Variants in SAMD4A observed in about 807,000 individuals in gnomAD.
SAMD4A encodes protein Smaug homolog 1.
SAMD4A carries 33 observed loss-of-function variants against 81.3 expected under a neutral mutation model. The ratio of observed to expected loss-of-function variants is 0.41; its 90% CI spans 0.31 to 0.54. The LOEUF is 0.54. Ranked by LOEUF, SAMD4A falls within the 20% of genes least tolerant of loss-of-function variation. The pLI is 0.37. For missense variants in SAMD4A, 854 were observed against 951.1 expected (o/e 0.90, Z 1.34); for synonymous variants, 389 against 382.1 (o/e 1.02, Z -0.21).
intron 2 of SAMD4A, among the ~76,000 whole-genome samples, chr14:54,612,199 CAAAG>C (rs2034374777): frequency 6.6e-6 from 1 of 151,896 alleles, no homozygotes. Context: ...AGTTTTTTTT[CAAAG>C]AAAAGCCTTT....
chr14:54,677,852 A>C (rs1345774579), intron 2 of SAMD4A, among the ~76,000 whole-genome samples: 1 of 152,122 alleles, frequency 6.6e-6, no homozygotes, highest in Non-Finnish European at 1.5e-5. Context: ...TTTTCTATTG[A>C]ATTAGTCTTT....
At chr14:54,619,129 T>C (rs925807709) in intron 2 of SAMD4A, among the ~76,000 whole-genome samples, 3 of 152,192 alleles carry the variant, frequency 2.0e-5, no homozygotes, top group Non-Finnish European at 1.5e-5. Context: ...GAATGAACTG[T>C]AAGTGGGAAA....
At chr14:54,610,660 C>T (rs888229044) in intron 2 of SAMD4A, among the ~76,000 whole-genome samples, 11 of 152,288 alleles carry the variant, frequency 7.2e-5, no homozygotes, top group Admixed American at 3.3e-4. Context: ...GATAAAGTCT[C>T]GCTACTATAA....
rs1334656210 is a variant in SAMD4A at position 54,731,494 on chromosome 14, G to T, written c.716-5530G>T. The stretch of plus-strand genomic sequence containing the variant: ...GACCTCTTAATTCAAGAAGAATATT[G>T]TAAGATATTTTAAAATAATGTGCAA... On this transcript the variant is annotated intron_variant, in intron 3 of 12. Transcript: ENST00000554335. Among the ~76,000 whole-genome samples, 6 of 152,298 alleles carry T rather than the reference G, an allele frequency of 3.9e-5. No individual in the cohort carries two copies. The South Asian group carries it at 1.0e-3, about 26-fold the overall frequency.
intron 10 of SAMD4A, 70 bp from the exon 11 acceptor site, chr14:54,776,344 T>C: frequency 6.6e-7 from 1 of 1,506,208 alleles, no homozygotes; most frequent in East Asian, 2.6e-5. Flanking sequence ...TCCCAAATTC[T>C]TGCTGGCGGC....
chr14:54,757,472 C>G (rs2038277558), intron 6 of SAMD4A, among the ~76,000 whole-genome samples: 1 of 149,582 alleles, frequency 6.7e-6, no homozygotes, highest in Non-Finnish European at 1.5e-5. Flanking sequence ...ATAGAAGAAT[C>G]AGATAAGATT....
At chr14:54,656,579 G>T (rs1350949170) in intron 2 of SAMD4A, among the ~76,000 whole-genome samples, 1 of 152,150 alleles carries the variant, frequency 6.6e-6, no homozygotes, top group Non-Finnish European at 1.5e-5. Flanking sequence ...AAAATAATAA[G>T]CTGCACAAAT....
intron 2 of SAMD4A, chr14:54,694,585 T>G: frequency 1.0e-6 from 1 of 983,516 alleles, no homozygotes; most frequent in Non-Finnish European, 1.2e-6. Flanking sequence ...GGGAGAAACC[T>G]GGGCTGGAAA....
At chr14:54,778,945 C>T (rs752825701) in intron 11 of SAMD4A, among the ~76,000 whole-genome samples, 16 of 152,204 alleles carry the variant, frequency 1.1e-4, no homozygotes, top group Non-Finnish European at 1.0e-4. Context: ...TCAGCCCTTG[C>T]CAATCATTGT....
At chr14:54,768,677 C>G (rs1051768008) in intron 8 of SAMD4A, among the ~76,000 whole-genome samples, 2 of 152,244 alleles carry the variant, frequency 1.3e-5, no homozygotes, top group African/African-American at 4.8e-5. Flanking sequence ...GCTGGACATG[C>G]AGGGAGCATC....
At chr14:54,754,756 A>T in intron 6 of SAMD4A, 1 of 855,774 alleles carries the variant, frequency 1.2e-6, no homozygotes, top group Non-Finnish European at 1.4e-6. Flanking sequence ...TTCTAAGGAG[A>T]TAGCTGGGGC....
chr14:54,782,143 G>A (rs1258774567), intron 11 of SAMD4A, among the ~76,000 whole-genome samples: 2 of 152,160 alleles, frequency 1.3e-5, no homozygotes, highest in South Asian at 2.1e-4. Context: ...TTTGGAACAC[G>A]CAATCCCAGG....
intron 4 of SAMD4A, among the ~76,000 whole-genome samples, chr14:54,738,453 C>T (rs1391061230): frequency 6.6e-6 from 1 of 152,220 alleles, no homozygotes; most frequent in East Asian, 1.9e-4. Flanking sequence ...CTCTCCATCC[C>T]ACCCCCATTT....
intron 4 of SAMD4A, among the ~76,000 whole-genome samples, chr14:54,739,491 G>A (rs540063326): frequency 6.7e-4 from 97 of 145,266 alleles, no homozygotes; most frequent in African/African-American, 2.3e-3. Flanking sequence ...GGGATTCCAA[G>A]TATAAAGTCA....
At chr14:54,779,362 T>C (rs2038942121) in intron 11 of SAMD4A, among the ~76,000 whole-genome samples, 1 of 152,256 alleles carries the variant, frequency 6.6e-6, no homozygotes, top group Admixed American at 6.5e-5. Context: ...AAAACTGTTA[T>C]CATACAATGC....
At chr14:54,705,318 G>A (rs1196888725) in intron 3 of SAMD4A, among the ~76,000 whole-genome samples, 1 of 152,164 alleles carries the variant, frequency 6.6e-6, no homozygotes, top group Non-Finnish European at 1.5e-5. Context: ...CCAGAGCCAT[G>A]CGCAGTATTC....
chr14:54,589,374 T>C (rs899048012), intron 2 of SAMD4A, among the ~76,000 whole-genome samples: 19 of 152,190 alleles, frequency 1.2e-4, no homozygotes, highest in African/African-American at 4.6e-4. Flanking sequence ...GAGTCTAAAT[T>C]TTATGGCCAT....
chr14:54,788,047 A>G (rs994634490), intron 12 of SAMD4A, among the ~76,000 whole-genome samples: 1 of 151,992 alleles, frequency 6.6e-6, no homozygotes, highest in Non-Finnish European at 1.5e-5. Context: ...CCACTTCTCC[A>G]AAACGTAGAT....
rs143254208 is a variant in SAMD4A, at chr14:54,776,518, C to T, written c.2022C>T (p.Asn674=). The T allele has an allele frequency of 2.1e-3, 3,240 of 1,577,786 alleles. 6 individuals are homozygous for T. Among genetic ancestry groups the T allele is most frequent in the Non-Finnish European group, 2.4e-3 (2,829 of 1,163,276 alleles). Residue 674 remains asparagine, a synonymous_variant, in exon 11 of 13, where the codon AAC becomes AAT. Transcript: ENST00000554335. The part of the protein sequence containing the change: ...RSLPVHTSPQ[N]MLMFQQPEFQ... ...TGCCCGTGCACACTTCCCCACAGAA[C>T]ATGCTGATGTTCCAGCAGCCAGGTA...
Sources: gnomAD v4.1 joint callset for allele counts (sites outside exome capture counted in the v4.1 genomes callset) on GRCh38, gnomAD v4.1.1 for gene constraint, MANE v1.5 for transcripts, NCBI Gene and HGNC (gene_info 2026-07-23, HGNC 2026-07-21) for gene names.